PLA2G4E: variants seen among roughly 807,000 people sequenced by gnomAD.
PLA2G4E encodes the protein phospholipase A2 group IVE, also known as cytosolic phospholipase A2 epsilon.
Under a neutral mutation model 109.1 loss-of-function variants are expected in PLA2G4E, and 84 were observed. That is an observed-to-expected ratio of 0.77 (90% CI 0.65 to 0.92). PLA2G4E has a LOEUF of 0.92. Ranked by LOEUF, PLA2G4E falls within the 40% of genes least tolerant of loss-of-function variation. The pLI is 0.00. For synonymous variants in PLA2G4E, 469 were observed against 436.1 expected (o/e 1.08, Z -0.94); for missense variants, 1,057 against 1,076.6 (o/e 0.98, Z 0.25).
intron 1 of PLA2G4E, among the ~76,000 whole-genome samples, chr15:42,042,511 A>C (rs577191923): frequency 3.2e-4 from 48 of 152,356 alleles, no homozygotes; most frequent in South Asian, 1.0e-3. Context: ...CAAAAAATGC[A>C]TTTAGAGACA....
At chr15:42,006,216 G>T (rs2068475532) in intron 3 of PLA2G4E, 95 bp from the exon 4 acceptor site, 1 of 1,501,460 alleles carries the variant, frequency 6.7e-7, no homozygotes, top group African/African-American at 1.4e-5. Context: ...CAAGGAGGTA[G>T]GTCTGGGGGA....
exon 20 of PLA2G4E, chr15:41,981,924 G>T (rs564624108): frequency 6.6e-6 from 1 of 152,226 alleles, no homozygotes; most frequent in South Asian, 2.1e-4. Flanking sequence ...GGAGGGAGTG[G>T]CGTAAATCCA....
intron 18 of PLA2G4E, 124 bp from the exon 19 acceptor site, chr15:41,984,743 C>T (rs1017715020): frequency 3.2e-6 from 3 of 924,458 alleles, no homozygotes; most frequent in Non-Finnish European, 4.6e-6. Context: ...ACTGCTTTGC[C>T]AGTGTATGGT....
chr15:42,010,132 G>GCCC (rs202221046), intron 2 of PLA2G4E: 6,339 of 418,418 alleles, frequency 0.015, 363 homozygotes, highest in African/African-American at 0.019. Context: ...CAGAACACTG[G>GCCC]CCCCCCCACC....
chr15:42,042,765 T>C (rs763660037), intron 1 of PLA2G4E, among the ~76,000 whole-genome samples: 1 of 152,204 alleles, frequency 6.6e-6, no homozygotes, highest in African/African-American at 2.4e-5. Context: ...CAGATCCTTC[T>C]CTTTGCCTTG....
chr15:42,024,558 C>G (rs967527053), intron 1 of PLA2G4E, among the ~76,000 whole-genome samples: 15 of 152,128 alleles, frequency 9.9e-5, no homozygotes, highest in Admixed American at 9.8e-4. Flanking sequence ...AAAGCACATT[C>G]CTCCCAGAAG....
intron 13 of PLA2G4E, among the ~76,000 whole-genome samples, chr15:41,990,526 A>T (rs967042961): frequency 6.6e-6 from 1 of 152,014 alleles, no homozygotes; most frequent in Admixed American, 6.5e-5. Context: ...GCAGATAAAG[A>T]GGAAGGGGTG....
At chr15:42,006,043 T>C (rs1301216897) in exon 4 of PLA2G4E, 10 of 1,613,936 alleles carry the variant, frequency 6.2e-6, no homozygotes, top group Non-Finnish European at 7.6e-6. Context: ...CAGAGCTTGG[T>C]GAGGTCATAG....
chr15:42,030,886 C>A (rs1187208391), intron 1 of PLA2G4E, among the ~76,000 whole-genome samples: 1 of 152,232 alleles, frequency 6.6e-6, no homozygotes, highest in Non-Finnish European at 1.5e-5. Context: ...CAAGAGTTTA[C>A]TTTTTCATTG....
chr15:41,983,516 T>C, exon 20 of PLA2G4E: 1 of 536,768 alleles, frequency 1.9e-6, no homozygotes, highest in Non-Finnish European at 3.3e-6. Context: ...ACCTTCTCTA[T>C]AGGGAAGCAC....
At chr15:42,042,385 C>T (rs1283831134) in intron 1 of PLA2G4E, among the ~76,000 whole-genome samples, 3 of 151,938 alleles carry the variant, frequency 2.0e-5, no homozygotes, top group Admixed American at 6.5e-5. Context: ...TTTATTTTCT[C>T]TATTACATTT....
intron 1 of PLA2G4E, among the ~76,000 whole-genome samples, chr15:42,039,692 G>A (rs1219304969): frequency 6.6e-6 from 1 of 151,932 alleles, no homozygotes; most frequent in East Asian, 1.9e-4. Flanking sequence ...AAGATCACAT[G>A]CAAAATAGCA....
At chr15:42,002,276 A>AC (rs2068429290) in intron 6 of PLA2G4E, among the ~76,000 whole-genome samples, 5 of 146,834 alleles carry the variant, frequency 3.4e-5, no homozygotes, top group African/African-American at 1.4e-4. Context: ...AAAAAAAAAA[A>AC]AAAAAAAAAA....
chr15:42,001,247 A>T, intron 6 of PLA2G4E, 27 bp from the exon 7 acceptor site: 2 of 1,594,036 alleles, frequency 1.3e-6, no homozygotes, highest in South Asian at 2.2e-5. Context: ...AGGGTCACAG[A>T]GTGTCTGAGC....
At chr15:42,002,799 G>A (rs1471017867) in intron 5 of PLA2G4E, 103 bp from the exon 6 acceptor site, 1 of 1,115,892 alleles carries the variant, frequency 9.0e-7, no homozygotes, top group African/African-American at 1.6e-5. Context: ...AAATATCAGA[G>A]CCTTCTTTGT....
At chr15:42,050,667 C>T (rs1889491086) in exon 1 of PLA2G4E, 1 of 1,550,554 alleles carries the variant, frequency 6.4e-7, no homozygotes, top group Non-Finnish European at 8.7e-7. Context: ...ACATTAGTTC[C>T]CAGGCCAGGA....
intron 1 of PLA2G4E, among the ~76,000 whole-genome samples, chr15:42,028,403 A>ATTTC (rs67875687): frequency 0.015 from 2,160 of 145,032 alleles, 44 homozygotes; most frequent in African/African-American, 0.046. Context: ...TTATTTATTT[A>ATTTC]TTTATTTATT....
At chr15:42,037,574 A>G (rs1024362687) in intron 1 of PLA2G4E, among the ~76,000 whole-genome samples, 1 of 152,214 alleles carries the variant, frequency 6.6e-6, no homozygotes, top group Non-Finnish European at 1.5e-5. Flanking sequence ...TCACAGGACA[A>G]GAACTTGGTA....
Position 41,996,645 on chromosome 15 carries a change from G to T in PLA2G4E, c.1110+479C>A, listed in dbSNP as rs115956070. ...ACCGTCTGCTCCCGTGGGAAGAAGG[G>T]GCGGTCTGGCCCTAGGAGTGCAAGT... On this transcript the variant is annotated intron_variant, in intron 11 of 19. Coordinates refer to ENST00000399518, the Ensembl canonical transcript of PLA2G4E. 4.3e-3 allele frequency among the ~76,000 whole-genome samples: 651 copies of T among 152,306 alleles called. 1 individual carries two copies. Among genetic ancestry groups the T allele is most frequent in the African/African-American group, 0.015 (614 of 41,568 alleles).
Sources: gnomAD v4.1 joint callset for allele counts (sites outside exome capture counted in the v4.1 genomes callset) on GRCh38, gnomAD v4.1.1 for gene constraint, MANE v1.5 for transcripts, NCBI Gene and HGNC (gene_info 2026-07-23, HGNC 2026-07-21) for gene names.